Variants in ZNF732 observed in about 807,000 individuals in gnomAD.
ZNF732 encodes the protein zinc finger protein 732.
ZNF732 carries 12 observed loss-of-function variants against 11.5 expected under a neutral mutation model. The ratio of observed to expected loss-of-function variants is 1.05; its 90% CI spans 0.67 to 1.70. The LOEUF (loss-of-function observed/expected upper bound fraction) is 1.70, where lower values mean the gene tolerates loss of function less well. Among genes scored for constraint, ZNF732 ranks in the 40% most tolerant of loss-of-function variants. The pLI is 0.00. For missense variants in ZNF732, 702 were observed against 676.9 expected (o/e 1.04, Z -0.41); for synonymous variants, 231 against 236.5 (o/e 0.98, Z 0.21).
Position 270,870 on chromosome 4 carries a change from A to C in ZNF732, c.*229T>G. 1 of 712,098 alleles carries C rather than the reference A, an allele frequency of 1.4e-6. No homozygotes were observed. Among genetic ancestry groups the C allele is most frequent in the Non-Finnish European group, 2.6e-6 (1 of 386,150 alleles). The allele number at this position is 712,098 out of a possible 1,614,324, so 44.1% of individuals were successfully genotyped here. A position where few individuals can be genotyped will look rare whatever the true frequency, so the allele number is the denominator to read the frequency against. On this transcript the variant is annotated 3_prime_UTR_variant, in exon 4 of 4. Transcript: ENST00000419098. ...ATTTGTAGGGTTGCTCTCCAGCATC[A>C]ATTTTCTTATGTTGATTCAGGTATG... is the stretch of plus-strand genomic sequence containing the variant.
At chr4:290,962 A>G (rs899471123) in intron 3 of ZNF732, among the ~76,000 whole-genome samples, 1 of 152,188 alleles carries the variant, frequency 6.6e-6, no homozygotes, top group African/African-American at 2.4e-5. Context: ...AAATATACAG[A>G]CACAGGGCTG....
intron 3 of ZNF732, among the ~76,000 whole-genome samples, chr4:274,877 G>GT (rs1208789585): frequency 6.6e-6 from 1 of 151,680 alleles, no homozygotes; most frequent in Non-Finnish European, 1.5e-5. Flanking sequence ...ATATGTGTGT[G>GT]TGTCTCCCCC....
intron 1 of ZNF732, among the ~76,000 whole-genome samples, chr4:297,983 T>A (rs1353305178): frequency 1.3e-5 from 2 of 152,200 alleles, no homozygotes; most frequent in African/African-American, 4.8e-5. Flanking sequence ...CAAGAGAAAT[T>A]TGATTCCCAG....
rs1553837117 is a variant in ZNF732, at chr4:271,081, G to C, written c.*18C>G. 6.7e-7 allele frequency: 1 copy of C among 1,484,304 alleles called. No homozygotes were observed. The highest frequency in any genetic ancestry group is 2.4e-5 in the East Asian group (1 of 41,682). 91.9% of individuals were successfully genotyped at this position (1,484,304 alleles called of 1,614,324 possible). ...GGTTTGTGGATCATCCAAAGGCTTT[G>C]CCACATTCTTCATATTTCTAGAGTT... On this transcript the variant is annotated 3_prime_UTR_variant, in exon 4 of 4. Coordinates refer to ENST00000419098, the MANE Select transcript of ZNF732 (RefSeq NM_001137608.3).
intron 3 of ZNF732, among the ~76,000 whole-genome samples, chr4:293,255 TAC>T (rs1200658151): frequency 1.5e-5 from 2 of 131,832 alleles, no homozygotes; most frequent in East Asian, 2.0e-4. Context: ...TATATATATA[TAC>T]ACATATATAT....
At chr4:276,759 T>A (rs1553838753) in intron 3 of ZNF732, among the ~76,000 whole-genome samples, 1 of 151,826 alleles carries the variant, frequency 6.6e-6, no homozygotes, top group African/African-American at 2.4e-5. Flanking sequence ...ACGCAATCTC[T>A]TATCAAAATA....
Position 299,396 on chromosome 4 carries a change from CAT to C in ZNF732, c.4-3243_4-3242del, listed in dbSNP as rs1167473416. On this transcript the variant is annotated intron_variant, in intron 1 of 3. Transcript: ENST00000419098. ...GTATATATATATACACATATGTACA[CAT>C]ATGTGTATATATATATACACATATA... Among the ~76,000 whole-genome samples the C allele has an allele frequency of 1.5e-3, 102 of 65,910 alleles. 2 individuals are homozygous for C. Among genetic ancestry groups the C allele is most frequent in the Middle Eastern group, 8.5e-3 (1 of 118 alleles). 43.2% of individuals were successfully genotyped at this position (65,910 alleles called of 152,430 possible). A position where few individuals can be genotyped will look rare whatever the true frequency, so the allele number is the denominator to read the frequency against.
intron 1 of ZNF732, among the ~76,000 whole-genome samples, chr4:296,385 AC>A (rs1719953161): frequency 6.6e-6 from 1 of 152,022 alleles, no homozygotes; most frequent in African/African-American, 2.4e-5. Context: ...CCCTACCAAA[AC>A]CAAGCAGAGT....
intron 1 of ZNF732, among the ~76,000 whole-genome samples, chr4:302,818 A>G (rs372363491): frequency 1.3e-5 from 2 of 152,218 alleles, no homozygotes; most frequent in South Asian, 2.1e-4. Flanking sequence ...GCACTTTGGG[A>G]GGCCGAGGTG....
At chr4:275,114 C>T (rs1245247947) in intron 3 of ZNF732, among the ~76,000 whole-genome samples, 5 of 151,554 alleles carry the variant, frequency 3.3e-5, no homozygotes, top group Non-Finnish European at 7.4e-5. Flanking sequence ...CTTCTCAATA[C>T]CTCATACAAT....
intron 3 of ZNF732, among the ~76,000 whole-genome samples, chr4:276,304 C>G (rs868943094): frequency 4.6e-5 from 7 of 151,846 alleles, no homozygotes; most frequent in Middle Eastern, 3.4e-3. Flanking sequence ...TATCACTGAT[C>G]CATATTTGAC....
chr4:292,428 A>G (rs1553841454), intron 3 of ZNF732, among the ~76,000 whole-genome samples: 1 of 151,880 alleles, frequency 6.6e-6, no homozygotes, highest in African/African-American at 2.4e-5. Context: ...ATGGTGGGGC[A>G]TGCCTGTAAT....
At chr4:301,349 C>T (rs1720114998) in intron 1 of ZNF732, among the ~76,000 whole-genome samples, 1 of 152,232 alleles carries the variant, frequency 6.6e-6, no homozygotes, top group Middle Eastern at 3.4e-3. Context: ...ACCATTTGAC[C>T]CAGCCATCTC....
chr4:288,293 G>C (rs1719772593), intron 3 of ZNF732, among the ~76,000 whole-genome samples: 1 of 152,128 alleles, frequency 6.6e-6, no homozygotes, highest in South Asian at 2.1e-4. Context: ...TCATGTGTTT[G>C]ATGTTATATG....
intron 3 of ZNF732, among the ~76,000 whole-genome samples, chr4:293,288 A>G (rs1427709565): frequency 6.8e-6 from 1 of 146,784 alleles, no homozygotes; most frequent in South Asian, 2.1e-4. Context: ...ATGTGTATAT[A>G]TATATATATA....
rs57681246 is a variant in ZNF732 at position 297,607 on chromosome 4, TAAAA to T, written c.4-1456_4-1453del. 1.8e-3 allele frequency among the ~76,000 whole-genome samples: 180 copies of T among 100,988 alleles called. 2 individuals carry two copies. Among genetic ancestry groups the T allele is most frequent in the South Asian group, 7.4e-3 (19 of 2,556 alleles). 66.3% of individuals were successfully genotyped at this position (100,988 alleles called of 152,430 possible). ...ATTTTTGTGTTGTATTTAAGATTTGTAAAAAAAAAAAAAAAAAAAAAAAAACTGC... is the reference window on the plus strand; with the variant it reads ...ATTTTTGTGTTGTATTTAAGATTTGTAAAAAAAAAAAAAAAAAAAAACTGC... On this transcript the variant is annotated intron_variant, in intron 1 of 3. Transcript: ENST00000419098.
chr4:287,619 C>A (rs116529450), intron 3 of ZNF732, among the ~76,000 whole-genome samples: 3,655 of 151,712 alleles, frequency 0.024, 73 homozygotes, highest in African/African-American at 0.055. Context: ...GATGAAAACA[C>A]AAATGATACT....
chr4:275,779 TC>T (rs1261983058), intron 3 of ZNF732, among the ~76,000 whole-genome samples: 1 of 151,820 alleles, frequency 6.6e-6, no homozygotes, highest in African/African-American at 2.4e-5. Context: ...TAAAGATAAA[TC>T]TTGATGACAT....
chr4:281,726 TATA>T (rs1719624467), intron 3 of ZNF732, among the ~76,000 whole-genome samples: 1 of 152,128 alleles, frequency 6.6e-6, no homozygotes, highest in Non-Finnish European at 1.5e-5. Context: ...CAAACTAGTC[TATA>T]ATGACTGAAA....
Sources: gnomAD v4.1 joint callset for allele counts (sites outside exome capture counted in the v4.1 genomes callset) on GRCh38, gnomAD v4.1.1 for gene constraint, MANE v1.5 for transcripts, NCBI Gene and HGNC (gene_info 2026-07-23, HGNC 2026-07-21) for gene names.